The following CCDC7 variants were observed in gnomAD, a reference collection of about 807,000 sequenced individuals.
CCDC7 encodes the protein coiled-coil domain containing 7, also known as coiled-coil domain-containing protein 7.
A neutral mutation model predicts 196.9 loss-of-function variants in CCDC7; 183 were observed. That is an observed-to-expected ratio of 0.93 (90% CI 0.82 to 1.05). CCDC7 has a LOEUF of 1.05. Ranked by LOEUF, CCDC7 falls within the 50% of genes least tolerant of loss-of-function variation. The probability of loss-of-function intolerance (pLI) is 0.00; values close to 1 mark genes in which losing one functional copy is unlikely to be tolerated. For synonymous variants in CCDC7, 525 were observed against 484.6 expected (o/e 1.08, Z -1.10); for missense variants, 1,540 against 1,482.2 (o/e 1.04, Z -0.64).
At chr10:32,849,314 A>G (rs533178719) in intron 39 of CCDC7, among the ~76,000 whole-genome samples, 44 of 152,200 alleles carry the variant, frequency 2.9e-4, no homozygotes, top group African/African-American at 7.9e-4. Flanking sequence ...CAAATTATCA[A>G]TTCACCCATA....
At chr10:32,814,603 C>G in intron 31 of CCDC7, 150 bp downstream of exon 32, 2 of 553,026 alleles carry the variant, frequency 3.6e-6, no homozygotes, top group Non-Finnish European at 6.4e-6. Flanking sequence ...TATTTCAACT[C>G]TAGTTTCAAC....
intron 28 of CCDC7, among the ~76,000 whole-genome samples, chr10:32,757,597 A>G (rs979183013): frequency 2.0e-5 from 3 of 152,264 alleles, no homozygotes; most frequent in Non-Finnish European, 4.4e-5. Flanking sequence ...GGACACATTT[A>G]AGGCAGTGTG....
intron 21 of CCDC7, among the ~76,000 whole-genome samples, chr10:32,671,922 G>T (rs889206955): frequency 6.6e-6 from 1 of 152,178 alleles, no homozygotes; most frequent in Non-Finnish European, 1.5e-5. Flanking sequence ...GGTTATTGGG[G>T]TCTTCAGTGG....
intron 28 of CCDC7, among the ~76,000 whole-genome samples, chr10:32,731,356 C>A (rs2083936447): frequency 6.6e-6 from 1 of 151,904 alleles, no homozygotes; most frequent in Non-Finnish European, 1.5e-5. Context: ...TTTGTCTATT[C>A]CTAGAATATG....
chr10:32,449,961 A>G (rs1015292781), upstream of CCDC7, among the ~76,000 whole-genome samples: 2 of 152,178 alleles, frequency 1.3e-5, no homozygotes, highest in Non-Finnish European at 2.9e-5. Context: ...GGACTTTCCA[A>G]TCTCCAGAAC....
At chr10:32,770,524 G>A (rs960298500) in intron 28 of CCDC7, among the ~76,000 whole-genome samples, 2 of 152,188 alleles carry the variant, frequency 1.3e-5, no homozygotes, top group East Asian at 3.9e-4. Context: ...GATTTGTTTT[G>A]TGGCCTATTA....
intron 9 of CCDC7, among the ~76,000 whole-genome samples, chr10:32,505,646 C>T (rs1007307132): frequency 2.4e-4 from 36 of 151,920 alleles, no homozygotes; most frequent in Non-Finnish European, 4.3e-4. Context: ...CTTTTCTTTT[C>T]GACAAAACCG....
chr10:32,634,995 G>A (rs2065404657), intron 19 of CCDC7, 62 bp from the exon 21 acceptor site: 3 of 397,216 alleles, frequency 7.6e-6, no homozygotes, highest in African/African-American at 2.1e-5. Context: ...CAAATGAGAG[G>A]AAGTATTGCT....
chr10:32,775,814 A>G (rs2079927427), intron 28 of CCDC7, among the ~76,000 whole-genome samples: 1 of 152,330 alleles, frequency 6.6e-6, no homozygotes, highest in South Asian at 2.1e-4. Flanking sequence ...TCATGCTGCT[A>G]TAAAGACACA....
chr10:32,537,961 C>T (rs1387659883), intron 11 of CCDC7, among the ~76,000 whole-genome samples: 2 of 152,010 alleles, frequency 1.3e-5, no homozygotes, highest in African/African-American at 4.8e-5. Flanking sequence ...CTTAGGATTG[C>T]CTTGGCTATT....
chr10:32,515,578 C>T (rs533920145), intron 9 of CCDC7, among the ~76,000 whole-genome samples: 4 of 152,102 alleles, frequency 2.6e-5, no homozygotes, highest in Non-Finnish European at 5.9e-5. Flanking sequence ...AAGTCTCGCT[C>T]TGTCGCTCAG....
rs186608591 is a variant in CCDC7, at chr10:32,638,108, T to C, written c.2014+2950T>C. Among the ~76,000 whole-genome samples, 5 of 152,340 alleles carry C rather than the reference T, an allele frequency of 3.3e-5. 1 individual carries two copies. The highest frequency in any genetic ancestry group is 1.2e-4 in the African/African-American group (5 of 41,574). On this transcript the variant is annotated intron_variant, in intron 20 of 41. Transcript: ENST00000639629. ...ATCCTGAGACTTTGCTGAAGTTGCCTAACAGCTTAAAGAGATTTTGGGCTG... is the reference window on the plus strand; with the variant it reads ...ATCCTGAGACTTTGCTGAAGTTGCCCAACAGCTTAAAGAGATTTTGGGCTG...
At chr10:32,606,218 C>T (rs548846775) in intron 18 of CCDC7, among the ~76,000 whole-genome samples, 78 of 152,280 alleles carry the variant, frequency 5.1e-4, no homozygotes, top group Non-Finnish European at 7.4e-4. Context: ...GAAAAAAGTA[C>T]AAGAGTAAAG....
At chr10:32,568,289 G>A (rs2057139047) in intron 15 of CCDC7, among the ~76,000 whole-genome samples, 2 of 152,102 alleles carry the variant, frequency 1.3e-5, no homozygotes, top group African/African-American at 4.8e-5. Flanking sequence ...ACAGGCATGA[G>A]CCACCGCGCC....
intron 41 of CCDC7, among the ~76,000 whole-genome samples, chr10:32,869,929 G>A (rs2094362512): frequency 6.6e-6 from 1 of 151,850 alleles, no homozygotes; most frequent in Admixed American, 6.6e-5. Flanking sequence ...TATTTCTGAG[G>A]GCTCTGTTCT....
chr10:32,636,706 TA>T (rs1408740868), intron 20 of CCDC7, among the ~76,000 whole-genome samples: 1 of 152,236 alleles, frequency 6.6e-6, no homozygotes, highest in Non-Finnish European at 1.5e-5. Context: ...CATGTGTCTT[TA>T]TAGGAGCATG....
At chr10:32,534,590 G>A (rs79845164) in intron 11 of CCDC7, among the ~76,000 whole-genome samples, 6,046 of 152,068 alleles carry the variant, frequency 0.04, 129 homozygotes, top group Middle Eastern at 0.051. Flanking sequence ...TTTTGGGGGT[G>A]CTCTTGGTGG....
chr10:32,692,049 T>C (rs1460904152), intron 23 of CCDC7, among the ~76,000 whole-genome samples: 3 of 152,242 alleles, frequency 2.0e-5, no homozygotes, highest in Non-Finnish European at 4.4e-5. Context: ...AGATTATTGC[T>C]TTATTGTGAA....
chr10:32,511,278 TG>T, intron 9 of CCDC7: 2 of 546,024 alleles, frequency 3.7e-6, no homozygotes, highest in African/African-American at 2.7e-5. Flanking sequence ...GGCGGGGAAA[TG>T]TACTTTTTGA....
Sources: gnomAD v4.1 joint callset for allele counts (sites outside exome capture counted in the v4.1 genomes callset) on GRCh38, gnomAD v4.1.1 for gene constraint, MANE v1.5 for transcripts, NCBI Gene and HGNC (gene_info 2026-07-23, HGNC 2026-07-21) for gene names.